The following PCDH9 variants were observed in gnomAD, a reference collection of about 807,000 sequenced individuals.
The protein encoded by PCDH9 is protocadherin 9, also known as protocadherin-9.
A neutral mutation model predicts 70.6 loss-of-function variants in PCDH9; 24 were observed. The observed-to-expected ratio is 0.34, with a 90% CI of 0.25 to 0.48. PCDH9 has a LOEUF of 0.48. Among genes scored for constraint, PCDH9 ranks in the 20% least tolerant of loss-of-function variants. The pLI is 0.99. For missense variants in PCDH9, 1,281 were observed against 1,503.6 expected, an observed-to-expected ratio of 0.85 and a Z score of 2.45; for synonymous variants, 562 against 558.5, an observed-to-expected ratio of 1.01 and a Z score of -0.09.
chr13:66,749,995 T>A (rs2079432203), intron 3 of PCDH9, among the ~76,000 whole-genome samples: 1 of 152,134 alleles, frequency 6.6e-6, no homozygotes, highest in Non-Finnish European at 1.5e-5. Flanking sequence ...GAAGTAAAAA[T>A]GCTCTAAAAG....
intron 4 of PCDH9, among the ~76,000 whole-genome samples, chr13:66,395,958 T>C (rs978501891): frequency 6.6e-6 from 1 of 152,182 alleles, no homozygotes; most frequent in Non-Finnish European, 1.5e-5. Context: ...GTATGGATTG[T>C]GGAAGGATGA....
At chr13:66,478,268 C>A (rs551006827) in intron 4 of PCDH9, among the ~76,000 whole-genome samples, 1 of 152,146 alleles carries the variant, frequency 6.6e-6, no homozygotes, top group African/African-American at 2.4e-5. Flanking sequence ...CATTCCCCAG[C>A]CTTTCTTTAT....
rs76071164 is a variant in PCDH9, at chr13:66,730,880, T to G, written c.3139-99469A>C. 0.012 allele frequency among the ~76,000 whole-genome samples: 189 copies of G among 15,170 alleles called. 2 individuals are homozygous for G. In the South Asian group the frequency reaches 0.19, roughly 15 times the overall value. 10.0% of individuals were successfully genotyped at this position (15,170 alleles called of 152,430 possible). A position where few individuals can be genotyped will look rare whatever the true frequency, so the allele number is the denominator to read the frequency against. ...TTTGTTTTTTTGTGTGTGTGTGTTT[T>G]TTTTTTGTTTGTTTCTTTTTTTTTG... On this transcript the variant is annotated intron_variant, in intron 3 of 4. Coordinates refer to ENST00000377865, the MANE Select transcript of PCDH9 (RefSeq NM_203487.3).
chr13:66,521,352 A>G (rs1959976394), intron 4 of PCDH9, among the ~76,000 whole-genome samples: 1 of 152,124 alleles, frequency 6.6e-6, no homozygotes, highest in African/African-American at 2.4e-5. Context: ...GAAATGGGCC[A>G]TGATGAGGTC....
At chr13:66,389,195 T>A (rs972839206) in intron 4 of PCDH9, among the ~76,000 whole-genome samples, 3 of 152,188 alleles carry the variant, frequency 2.0e-5, no homozygotes, top group Non-Finnish European at 4.4e-5. Context: ...CTAATGTTTA[T>A]AATGTGTTTA....
intron 3 of PCDH9, among the ~76,000 whole-genome samples, chr13:66,786,409 T>C (rs2080080822): frequency 6.6e-6 from 1 of 152,158 alleles, no homozygotes; most frequent in Non-Finnish European, 1.5e-5. Flanking sequence ...AGCTTGCTTT[T>C]ATGGACTCCT....
chr13:66,456,436 A>AT (rs986333201), intron 4 of PCDH9, among the ~76,000 whole-genome samples: 5 of 151,934 alleles, frequency 3.3e-5, no homozygotes, highest in Non-Finnish European at 5.9e-5. Flanking sequence ...TAATTTTCAA[A>AT]TTTTTTGTAG....
intron 3 of PCDH9, among the ~76,000 whole-genome samples, chr13:66,888,830 A>C (rs558556915): frequency 6.6e-6 from 1 of 152,194 alleles, no homozygotes; most frequent in Non-Finnish European, 1.5e-5. Context: ...GAGCTTTCCC[A>C]ACATTCAGAA....
chr13:67,125,713 A>G (rs1042808358), intron 2 of PCDH9, among the ~76,000 whole-genome samples: 14 of 152,208 alleles, frequency 9.2e-5, no homozygotes, highest in African/African-American at 2.9e-4. Flanking sequence ...ACATATTCCA[A>G]TGTACTTGTC....
chr13:66,905,761 A>G (rs2082350220), intron 2 of PCDH9, among the ~76,000 whole-genome samples: 1 of 152,188 alleles, frequency 6.6e-6, no homozygotes, highest in Admixed American at 6.5e-5. Context: ...GAACTTATGT[A>G]TTATCTACAA....
chr13:67,153,203 G>T (rs970862184), intron 2 of PCDH9, among the ~76,000 whole-genome samples: 18 of 151,378 alleles, frequency 1.2e-4, no homozygotes, highest in South Asian at 2.1e-4. Flanking sequence ...TCTCCGTCCT[G>T]CAGTCTAGAG....
chr13:66,880,940 T>G (rs2139537049), intron 3 of PCDH9, among the ~76,000 whole-genome samples: 1 of 152,350 alleles, frequency 6.6e-6, no homozygotes, highest in South Asian at 2.1e-4. Flanking sequence ...CCAATCCTGT[T>G]GTATGACCTT....
intron 4 of PCDH9, among the ~76,000 whole-genome samples, chr13:66,525,478 T>C (rs1057199469): frequency 2.6e-5 from 4 of 152,146 alleles, no homozygotes; most frequent in African/African-American, 9.6e-5. Context: ...TTTTCTTCTT[T>C]TCTGGAACAC....
At chr13:66,466,451 T>C (rs1009609884) in intron 4 of PCDH9, among the ~76,000 whole-genome samples, 5 of 152,078 alleles carry the variant, frequency 3.3e-5, no homozygotes, top group African/African-American at 4.8e-5. Flanking sequence ...TACTTTTAAG[T>C]CTTAAATTCC....
intron 3 of PCDH9, among the ~76,000 whole-genome samples, chr13:66,655,406 A>T (rs565124494): frequency 6.6e-6 from 1 of 152,126 alleles, no homozygotes; most frequent in Admixed American, 6.5e-5. Flanking sequence ...AAAATTCTTA[A>T]TGTTAAGGAC....
rs375683554 is a variant in PCDH9, at chr13:66,408,120, G to A, written c.3341-103092C>T. On this transcript the variant is annotated intron_variant, in intron 4 of 4. Transcript: ENST00000377865. ...AGGCCGGACTGCGGACTGCAGTGGC[G>A]CAATCTCGGCTCACTGCAAGCTCCG... is the stretch of plus-strand genomic sequence containing the variant. Among the ~76,000 whole-genome samples the A allele has an allele frequency of 1.4e-3, 216 of 150,232 alleles. 9 individuals are homozygous for A. The East Asian group carries it at 0.032, about 22-fold the overall frequency.
At chr13:66,552,978 C>T (rs1004507031) in intron 4 of PCDH9, among the ~76,000 whole-genome samples, 14 of 151,976 alleles carry the variant, frequency 9.2e-5, no homozygotes, top group Admixed American at 4.6e-4. Flanking sequence ...GGGAAAATTC[C>T]CTTATAAAAG....
intron 4 of PCDH9, among the ~76,000 whole-genome samples, chr13:66,333,496 C>A (rs1047044779): frequency 1.2e-4 from 19 of 152,094 alleles, no homozygotes; most frequent in African/African-American, 4.6e-4. Flanking sequence ...CCCCAAGGAC[C>A]AGCTACCTCT....
intron 4 of PCDH9, among the ~76,000 whole-genome samples, chr13:66,427,879 A>G (rs909319855): frequency 6.6e-6 from 1 of 151,756 alleles, no homozygotes; most frequent in Non-Finnish European, 1.5e-5. Context: ...TTTCATACTA[A>G]CAATAGAAAA....
Sources: gnomAD v4.1 joint callset for allele counts (sites outside exome capture counted in the v4.1 genomes callset) on GRCh38, gnomAD v4.1.1 for gene constraint, MANE v1.5 for transcripts, NCBI Gene and HGNC (gene_info 2026-07-23, HGNC 2026-07-21) for gene names.